The following TTC34 variants were observed in gnomAD, a reference collection of about 807,000 sequenced individuals.
The protein encoded by TTC34 is tetratricopeptide repeat domain 34.
TTC34 carries 44 observed loss-of-function variants against 40.7 expected under a neutral mutation model. That is an observed-to-expected ratio of 1.08 (90% CI 0.85 to 1.39). The LOEUF (loss-of-function observed/expected upper bound fraction) is 1.39. TTC34 is among the 40% of genes most tolerant of loss of function. TTC34 has a pLI of 0.00. For synonymous variants in TTC34, 422 were observed against 398.6 expected (o/e 1.06, Z -0.70); for missense variants, 884 against 838.0 (o/e 1.05, Z -0.68).
chr1:2,751,605 C>T (rs1641322458), intron 6 of TTC34, among the ~76,000 whole-genome samples: 1 of 127,476 alleles, frequency 7.8e-6, no homozygotes, highest in Non-Finnish European at 1.6e-5. Flanking sequence ...ACAGCACCCA[C>T]ACCCCCAGGC....
At chr1:2,653,402 C>T (rs1396365036) in intron 6 of TTC34, among the ~76,000 whole-genome samples, 1 of 151,498 alleles carries the variant, frequency 6.6e-6, no homozygotes. Context: ...GTAACAGCAC[C>T]CACACCCCCA....
rs371453567 is a variant in TTC34, at chr1:2,799,830, G to T, written c.784+214C>A. ...CCTGAGAAGCTTTCCCTGATCACCG[G>T]CTGGAGCAGTACCTTGCCCATCCCA... On this transcript the variant is annotated intron_variant, in intron 2 of 8. Transcript: ENST00000401095. 3.9e-5 allele frequency among the ~76,000 whole-genome samples: 6 copies of T among 152,294 alleles called. No homozygotes were observed. The South Asian group carries it at 1.0e-3, about 26-fold the overall frequency.
At chr1:2,758,477 AC>A (rs1641578339) in intron 6 of TTC34, among the ~76,000 whole-genome samples, 1 of 62,786 alleles carries the variant, frequency 1.6e-5, no homozygotes, top group African/African-American at 1.4e-4. Context: ...GCACCCACAC[AC>A]CCAGGCGAGC....
chr1:2,673,429 C>G (rs1412779951), intron 6 of TTC34, among the ~76,000 whole-genome samples: 1 of 81,320 alleles, frequency 1.2e-5, no homozygotes, highest in Non-Finnish European at 3.0e-5. Flanking sequence ...TGCGGCAACA[C>G]TGACACCCAC....
chr1:2,753,431 T>C (rs1366140199), intron 6 of TTC34, among the ~76,000 whole-genome samples: 873 of 120,336 alleles, frequency 7.3e-3, no homozygotes, highest in Admixed American at 0.014. Flanking sequence ...GGTGAGCATC[T>C]GACAGCCTGG....
chr1:2,769,726 C>T (rs1337991402), intron 6 of TTC34, among the ~76,000 whole-genome samples: 1 of 147,184 alleles, frequency 6.8e-6, no homozygotes, highest in Non-Finnish European at 1.5e-5. Context: ...AGGTGAGCAT[C>T]TGACAGCCTG....
At chr1:2,777,845 C>T (rs935889284) in intron 6 of TTC34, among the ~76,000 whole-genome samples, 1 of 152,184 alleles carries the variant, frequency 6.6e-6, no homozygotes, top group South Asian at 2.1e-4. Context: ...CTGGACACAG[C>T]GGGAGGAGGG....
At chr1:2,787,800 A>G (rs2100627189) in intron 3 of TTC34, 94 bp from the exon 4 acceptor site, 1 of 1,127,992 alleles carries the variant, frequency 8.9e-7, no homozygotes, top group East Asian at 2.6e-5. Context: ...GTCTCCATGT[A>G]CCTGGCCTGG....
chr1:2,693,748 T>C (rs796971062), intron 6 of TTC34, among the ~76,000 whole-genome samples: 1,365 of 16,090 alleles, frequency 0.085, no homozygotes, highest in African/African-American at 0.088. Flanking sequence ...CACCCACACC[T>C]CCAGGCGAGC....
At chr1:2,800,202 T>C (rs1052485564) in exon 2 of TTC34, 1 of 398,386 alleles carries the variant, frequency 2.5e-6, no homozygotes, top group African/African-American at 2.1e-5. Context: ...GCCACCGGTC[T>C]CCTGCTGGCC....
chr1:2,753,084 G>C (rs1279127145), intron 6 of TTC34, among the ~76,000 whole-genome samples: 36 of 69,330 alleles, frequency 5.2e-4, no homozygotes, highest in African/African-American at 2.3e-3. Flanking sequence ...AGCCTGGAAC[G>C]GCAACCACAC....
At chr1:2,671,793 C>T (rs1222399431) in intron 6 of TTC34, among the ~76,000 whole-genome samples, 3 of 150,868 alleles carry the variant, frequency 2.0e-5, no homozygotes, top group Non-Finnish European at 4.4e-5. Flanking sequence ...ACCCACACAC[C>T]GAGGTGAGCA....
intron 6 of TTC34, among the ~76,000 whole-genome samples, chr1:2,751,077 C>T (rs1484817652): frequency 6.0e-4 from 34 of 57,048 alleles, no homozygotes; most frequent in Admixed American, 1.6e-3. Context: ...GACTGGAACA[C>T]CTCCCACATG....
chr1:2,773,169 C>G (rs1175212538), intron 6 of TTC34, among the ~76,000 whole-genome samples: 1 of 130,232 alleles, frequency 7.7e-6, no homozygotes, highest in Non-Finnish European at 1.7e-5. Context: ...CCTGGAGCAG[C>G]GCCCACACCC....
intron 6 of TTC34, among the ~76,000 whole-genome samples, chr1:2,752,178 G>T (rs1641341185): frequency 8.3e-6 from 1 of 120,090 alleles, no homozygotes; most frequent in Admixed American, 8.6e-5. Context: ...ACCAACAGGT[G>T]AGCATCTGAC....
chr1:2,775,361 G>T (rs1643028546), intron 6 of TTC34: 1 of 148,700 alleles, frequency 6.7e-6, no homozygotes, highest in Non-Finnish European at 1.5e-5. Context: ...TTCCAGGTGA[G>T]AATATGACAG....
chr1:2,756,657 G>A (rs1641515898), intron 6 of TTC34, among the ~76,000 whole-genome samples: 1 of 151,904 alleles, frequency 6.6e-6, no homozygotes, highest in African/African-American at 2.4e-5. Context: ...GCCTGGAACA[G>A]CACCCACACC....
rs1570791154 is a variant in TTC34 at position 2,676,908 on chromosome 1, G to C, written c.2227-31345C>G. Among the ~76,000 whole-genome samples the C allele has an allele frequency of 7.4e-5, 10 of 134,282 alleles. No individual in the cohort carries two copies. The South Asian group carries it at 1.5e-3, about 21-fold the overall frequency. 88.1% of individuals were successfully genotyped at this position (134,282 alleles called of 152,430 possible). A position where few individuals can be genotyped will look rare whatever the true frequency, so the allele number is the denominator to read the frequency against. ...CACACCCACAGGTGAGCATCTGACA[G>C]CCTGGAGCAGCACCCACACCCCCAG... is the stretch of plus-strand genomic sequence containing the variant. On this transcript the variant is annotated intron_variant, in intron 6 of 8. Coordinates refer to ENST00000401095, the Ensembl canonical transcript of TTC34.
intron 6 of TTC34, among the ~76,000 whole-genome samples, chr1:2,683,273 A>C (rs367909399): frequency 3.1e-4 from 40 of 129,588 alleles, no homozygotes; most frequent in East Asian, 1.0e-3. Flanking sequence ...ACCCACACCC[A>C]CAGGTGAGCA....
Sources: gnomAD v4.1 joint callset for allele counts (sites outside exome capture counted in the v4.1 genomes callset) on GRCh38, gnomAD v4.1.1 for gene constraint, MANE v1.5 for transcripts, NCBI Gene and HGNC (gene_info 2026-07-23, HGNC 2026-07-21) for gene names.